Variants in ATG7 observed in about 807,000 individuals in gnomAD.
ATG7 encodes autophagy related 7, also known as ubiquitin-like modifier-activating enzyme ATG7.
ATG7 carries 70 observed loss-of-function variants against 82.4 expected under a neutral mutation model. That is an observed-to-expected ratio of 0.85 (90% CI 0.70 to 1.04). The LOEUF is 1.04. Among genes scored for constraint, ATG7 ranks in the 50% least tolerant of loss-of-function variants. The pLI is 0.00. For synonymous variants in ATG7, 287 were observed against 313.0 expected (o/e 0.92, Z 0.88); for missense variants, 792 against 864.3 (o/e 0.92, Z 1.05).
intron 17 of ATG7, among the ~76,000 whole-genome samples, chr3:11,363,468 T>G (rs2076403898): frequency 6.6e-6 from 1 of 152,172 alleles, no homozygotes; most frequent in East Asian, 1.9e-4. Flanking sequence ...GTCTTGAACC[T>G]CTGACCTCAG....
chr3:11,432,318 G>A (rs1310724285), intron 20 of ATG7, among the ~76,000 whole-genome samples: 8 of 152,066 alleles, frequency 5.3e-5, no homozygotes, highest in Non-Finnish European at 7.4e-5. Flanking sequence ...TAGACAGCTA[G>A]GATGCAATAA....
the ATG7 span, chr3:11,565,062 G>T: frequency 6.9e-7 from 1 of 1,452,460 alleles, no homozygotes; most frequent in Non-Finnish European, 9.1e-7. The surrounding 1 kb of genome is among the most constrained non-coding windows in gnomAD (Gnocchi z 4.1). Context: ...TTTCTCAAAG[G>T]CAAAGGGGAC....
At chr3:11,459,379 T>G (rs769596811) in intron 20 of ATG7, among the ~76,000 whole-genome samples, 3 of 152,142 alleles carry the variant, frequency 2.0e-5, no homozygotes, top group Admixed American at 6.5e-5. Flanking sequence ...GACAAATGTT[T>G]TTATATTTAT....
chr3:11,326,832 G>A (rs1950952626), intron 9 of ATG7, among the ~76,000 whole-genome samples: 1 of 152,202 alleles, frequency 6.6e-6, no homozygotes, highest in African/African-American at 2.4e-5. Flanking sequence ...TGTTCTCAGA[G>A]TTCTCTCACT....
At chr3:11,310,049 C>G (rs948314617) in intron 7 of ATG7, among the ~76,000 whole-genome samples, 5 of 151,858 alleles carry the variant, frequency 3.3e-5, no homozygotes, top group African/African-American at 1.2e-4. Context: ...GCCTGTGGTT[C>G]CAGCTACTGG....
chr3:11,316,471 T>C (rs761383754), intron 9 of ATG7, among the ~76,000 whole-genome samples: 42 of 152,238 alleles, frequency 2.8e-4, no homozygotes, highest in Non-Finnish European at 5.0e-4. Context: ...CTCTGTCTTA[T>C]TGAAATTCTA....
At chr3:11,520,046 T>TC (rs1473290185) in intron 20 of ATG7, among the ~76,000 whole-genome samples, 4 of 152,192 alleles carry the variant, frequency 2.6e-5, no homozygotes, top group Admixed American at 2.6e-4. Context: ...GAAGGAGAGA[T>TC]CCCGTCCCAT....
At chr3:11,398,792 A>G (rs1160344413) in intron 19 of ATG7, among the ~76,000 whole-genome samples, 2 of 152,194 alleles carry the variant, frequency 1.3e-5, no homozygotes, top group African/African-American at 4.8e-5. Context: ...TTGAGCTTAT[A>G]GTGAGCTCTG....
At chr3:11,313,627 G>C (rs1215092349) in intron 8 of ATG7, among the ~76,000 whole-genome samples, 1 of 152,044 alleles carries the variant, frequency 6.6e-6, no homozygotes, top group Non-Finnish European at 1.5e-5. Context: ...TTTGAGACTG[G>C]GTCTCACCCC....
rs576664099 is a variant in ATG7, at chr3:11,283,187, C to G, written c.-11+749C>G. 4.6e-5 allele frequency among the ~76,000 whole-genome samples: 7 copies of G among 152,290 alleles called. No individual in the cohort carries two copies. The East Asian group carries it at 1.4e-3, about 29-fold the overall frequency. ...ACCTGTAGTGGGAGACTGACCATTT[C>G]CTTTTAATTAAGCCTCTGTTGTGCT... On this transcript the variant is annotated intron_variant, in intron 3 of 20. Transcript: ENST00000693202.
intron 15 of ATG7, 89 bp from the exon 16 acceptor site, chr3:11,360,492 T>C (rs1010102778): frequency 1.5e-6 from 2 of 1,351,628 alleles, no homozygotes; most frequent in African/African-American, 2.9e-5. Flanking sequence ...AAAAAATAAA[T>C]TTTAAAAAGT....
chr3:11,281,667 G>C (rs1345417228), intron 2 of ATG7, among the ~76,000 whole-genome samples: 2 of 151,724 alleles, frequency 1.3e-5, no homozygotes, highest in South Asian at 2.1e-4. Flanking sequence ...CCAGCTACTT[G>C]GGAGGCTGAG....
At chr3:11,300,296 G>C (rs1280477575) in intron 5 of ATG7, among the ~76,000 whole-genome samples, 1 of 151,978 alleles carries the variant, frequency 6.6e-6, no homozygotes, top group East Asian at 1.9e-4. Context: ...AGACTCGCCA[G>C]GTGTGATTTT....
intron 19 of ATG7, among the ~76,000 whole-genome samples, chr3:11,398,854 T>A (rs757391215): frequency 3.9e-5 from 6 of 152,148 alleles, no homozygotes; most frequent in Non-Finnish European, 8.8e-5. Context: ...GAGCCCTTGC[T>A]AAGAAAAGCC....
chr3:11,558,483 T>C, downstream of ATG7: 1 of 1,479,492 alleles, frequency 6.8e-7, no homozygotes, highest in South Asian at 1.4e-5. Context: ...TGATTTTTTT[T>C]TTTTTAAGTA....
intron 9 of ATG7, among the ~76,000 whole-genome samples, chr3:11,317,826 C>T (rs974419791): frequency 2.2e-4 from 34 of 152,116 alleles, no homozygotes; most frequent in Non-Finnish European, 2.5e-4. Context: ...CTCCTGACCT[C>T]GTGATCCTCC....
chr3:11,328,347 C>T (rs1396113320), intron 9 of ATG7, among the ~76,000 whole-genome samples: 2 of 152,118 alleles, frequency 1.3e-5, no homozygotes, highest in Non-Finnish European at 2.9e-5. Context: ...GCGTAGTAAG[C>T]TCTGTTTTTA....
intron 20 of ATG7, among the ~76,000 whole-genome samples, chr3:11,500,339 A>C (rs1470479620): frequency 3.9e-5 from 6 of 152,216 alleles, no homozygotes; most frequent in Non-Finnish European, 8.8e-5. Context: ...TAATTGATGA[A>C]CCTTCTTAGT....
chr3:11,488,793 G>A (rs954612868), intron 20 of ATG7, among the ~76,000 whole-genome samples: 3 of 152,188 alleles, frequency 2.0e-5, no homozygotes, highest in African/African-American at 7.2e-5. Context: ...TGTGCTGCTG[G>A]ATTCGGTTTG....
Sources: allele counts gnomAD v4.1 joint callset (sites outside exome capture counted in the v4.1 genomes callset), GRCh38; gene constraint gnomAD v4.1.1; non-coding constraint Gnocchi (gnomAD v3.1); transcripts MANE v1.5; gene names NCBI Gene and HGNC (gene_info 2026-07-23, HGNC 2026-07-21).